SMIM23: variants seen among roughly 807,000 people sequenced by gnomAD.
SMIM23 encodes small integral membrane protein 23, also known as CTB-78H18.1.
Under a neutral mutation model 12.8 loss-of-function variants are expected in SMIM23, and 10 were observed. The observed-to-expected ratio is 0.78, with a 90% confidence interval of 0.48 to 1.32. The LOEUF (loss-of-function observed/expected upper bound fraction) is 1.32. Ranked by LOEUF, SMIM23 falls within the 40% of genes most tolerant of loss-of-function variation. SMIM23 has a pLI of 0.00. For missense variants in SMIM23, 184 were observed against 198.2 expected, an observed-to-expected ratio of 0.93 and a Z score of 0.43; for synonymous variants, 78 against 80.1, an observed-to-expected ratio of 0.97 and a Z score of 0.14.
chr5:171,774,226 T>C, the SMIM23 span: 3 of 361,722 alleles, frequency 8.3e-6, no homozygotes, highest in South Asian at 4.1e-5. Context: ...CAGGGATCGA[T>C]GGCATGCAGC....
upstream of SMIM23, among the ~76,000 whole-genome samples, chr5:171,779,058 G>C (rs1285115213): frequency 1.3e-5 from 2 of 152,214 alleles, no homozygotes; most frequent in Non-Finnish European, 2.9e-5. Context: ...TCGAGGATTA[G>C]GGACAAGCCT....
At chr5:171,772,994 A>G in the SMIM23 span, among the ~76,000 whole-genome samples, 2 of 152,172 alleles carry the variant, frequency 1.3e-5, no homozygotes, top group Non-Finnish European at 2.9e-5. Flanking sequence ...AGCGAGTTGT[A>G]GGGAATTCTT....
the SMIM23 span, among the ~76,000 whole-genome samples, chr5:171,776,235 G>A: frequency 7.2e-6 from 1 of 138,920 alleles, no homozygotes; most frequent in African/African-American, 2.6e-5. Flanking sequence ...GGTACAGCGT[G>A]CAGCCCACGG....
the SMIM23 span, among the ~76,000 whole-genome samples, chr5:171,775,843 G>A: frequency 2.0e-5 from 3 of 151,800 alleles, no homozygotes; most frequent in South Asian, 2.1e-4. Flanking sequence ...TTTCCCTTAC[G>A]ACAACCCTAT....
At chr5:171,783,282 C>T (rs749739888), upstream of SMIM23, among the ~76,000 whole-genome samples, 1 of 152,182 alleles carries the variant, frequency 6.6e-6, no homozygotes, top group Non-Finnish European at 1.5e-5. Flanking sequence ...ACAATCCCAG[C>T]TGGCAAAGTA....
chr5:171,778,941 G>A (rs1755683727), upstream of SMIM23, among the ~76,000 whole-genome samples: 1 of 152,020 alleles, frequency 6.6e-6, no homozygotes, highest in Non-Finnish European at 1.5e-5. Flanking sequence ...TCAAATTCAG[G>A]AGGTCCCTCT....
the SMIM23 span, chr5:171,773,977 C>T: frequency 2.1e-5 from 8 of 388,654 alleles, no homozygotes; most frequent in African/African-American, 8.4e-5. Flanking sequence ...AATTTACATA[C>T]GCCATTTGTG....
At chr5:171,779,122 T>C (rs966912479), upstream of SMIM23, among the ~76,000 whole-genome samples, 10 of 152,178 alleles carry the variant, frequency 6.6e-5, no homozygotes, top group Non-Finnish European at 1.3e-4. Context: ...ATGGCGTACG[T>C]TGGGCTCACA....
intron 1 of SMIM23, among the ~76,000 whole-genome samples, chr5:171,787,892 TATC>T (rs1337919825): frequency 2.0e-5 from 3 of 152,186 alleles, no homozygotes; most frequent in Non-Finnish European, 2.9e-5. Flanking sequence ...TTCTTTCTCT[TATC>T]ATTGTGTCTG....
chr5:171,774,369 A>G, the SMIM23 span: 1 of 455,350 alleles, frequency 2.2e-6, no homozygotes, highest in Non-Finnish European at 4.4e-6. Context: ...GCAGAGAGAC[A>G]GGAAGGAGCC....
chr5:171,773,177 G>T, the SMIM23 span, among the ~76,000 whole-genome samples: 1 of 152,128 alleles, frequency 6.6e-6, no homozygotes, highest in Non-Finnish European at 1.5e-5. Context: ...ACCTTAGGCG[G>T]GTCTCTTCGG....
At chr5:171,774,435 G>A in the SMIM23 span, 8 of 456,308 alleles carry the variant, frequency 1.8e-5, no homozygotes, top group Admixed American at 1.2e-4. Flanking sequence ...AGGTCTGCTC[G>A]GCTGCACAGC....
At chr5:171,776,346 C>T in the SMIM23 span, among the ~76,000 whole-genome samples, 3 of 152,116 alleles carry the variant, frequency 2.0e-5, no homozygotes, top group African/African-American at 7.2e-5. Flanking sequence ...ACAACGCGCC[C>T]GAGGCACATG....
At chr5:171,780,974 A>C (rs982290384), upstream of SMIM23, among the ~76,000 whole-genome samples, 1 of 152,198 alleles carries the variant, frequency 6.6e-6, no homozygotes, top group African/African-American at 2.4e-5. Flanking sequence ...CAGTCTCCCC[A>C]TCTGTAAAAT....
intron 1 of SMIM23, among the ~76,000 whole-genome samples, chr5:171,786,441 A>G (rs1352025636): frequency 2.0e-5 from 3 of 152,052 alleles, no homozygotes; most frequent in African/African-American, 7.2e-5. Context: ...GATGCTATCA[A>G]CCTCGTTCAC....
At chr5:171,775,796 T>C in the SMIM23 span, among the ~76,000 whole-genome samples, 2 of 152,370 alleles carry the variant, frequency 1.3e-5, no homozygotes, top group African/African-American at 4.8e-5. Flanking sequence ...GCCCACGTTA[T>C]CATCGCCATG....
the SMIM23 span, among the ~76,000 whole-genome samples, chr5:171,776,667 A>G: frequency 1.3e-5 from 2 of 152,260 alleles, no homozygotes; most frequent in East Asian, 1.9e-4. Flanking sequence ...CTCAGATTCT[A>G]TCAGTCCTGA....
the SMIM23 span, chr5:171,774,724 C>A: frequency 2.5e-6 from 1 of 402,882 alleles, no homozygotes. Context: ...CTTATAAAAG[C>A]ACAACCTGAC....
chr5:171,783,119 T>C (rs1170101229), upstream of SMIM23, among the ~76,000 whole-genome samples: 1 of 152,214 alleles, frequency 6.6e-6, no homozygotes, highest in South Asian at 2.1e-4. Flanking sequence ...AAAAGCTATA[T>C]GCCAAAAATT....
Sources: gnomAD v4.1 joint callset for allele counts (sites outside exome capture counted in the v4.1 genomes callset) on GRCh38, gnomAD v4.1.1 for gene constraint, MANE v1.5 for transcripts, NCBI Gene and HGNC (gene_info 2026-07-23, HGNC 2026-07-21) for gene names.